Variants in ZNF420 observed in about 807,000 individuals in gnomAD.
ZNF420 encodes the protein ATM and p53-associated KZNF protein.
A neutral mutation model predicts 44.7 loss-of-function variants in ZNF420; 31 were observed. The observed-to-expected ratio is 0.69, with a 90% CI of 0.52 to 0.94. ZNF420 has a LOEUF of 0.94. Among genes scored for constraint, ZNF420 ranks in the 40% least tolerant of loss-of-function variants. The pLI is 0.00. For synonymous variants in ZNF420, 245 were observed against 267.4 expected, an observed-to-expected ratio of 0.92 and a Z score of 0.82; for missense variants, 681 against 827.9, an observed-to-expected ratio of 0.82 and a Z score of 2.18.
At chr19:37,111,880 A>G (rs535574806) in intron 4 of ZNF420, among the ~76,000 whole-genome samples, 24 of 152,222 alleles carry the variant, frequency 1.6e-4, no homozygotes, top group Admixed American at 1.2e-3. Flanking sequence ...GGAGAGGGCA[A>G]CCCTGGTTGG....
chr19:37,091,155 C>T lies in ZNF420; in HGVS notation c.136+34C>T, dbSNP rs193272576. ...TCTAGCCTTCATATTTCAGGATCTA[C>T]CTTTGGATTGGCTGCTTTCTCTGCT... On this transcript the variant is annotated intron_variant, in intron 4 of 4. Transcript: ENST00000337995. 15 of 1,494,856 alleles carry T rather than the reference C, an allele frequency of 1.0e-5. No homozygotes were observed. The Admixed American group carries it at 3.4e-4, about 34-fold the overall frequency. 92.6% of individuals were successfully genotyped at this position (1,494,856 alleles called of 1,614,324 possible).
At position 37,040,019 on chromosome 19, in the gene ZNF420, C is replaced by T. The variant is rs555129897; in HGVS notation, c.-125+31937C>T. On this transcript the variant is annotated intron_variant, in intron 1 of 4. Coordinates refer to the ZNF420 transcript ENST00000587029. ...TGCTGGGATTACAGGCATGAGCCACCGTGGCTGGCCCCTTTGAAGCTCTGA... is the reference window on the plus strand; with the variant it reads ...TGCTGGGATTACAGGCATGAGCCACTGTGGCTGGCCCCTTTGAAGCTCTGA... 5.3e-5 allele frequency among the ~76,000 whole-genome samples: 8 copies of T among 152,262 alleles called. No homozygotes were observed. The South Asian group carries it at 1.0e-3, about 20-fold the overall frequency.
rs1244141579 is a variant in ZNF420, at chr19:37,130,053, A to G, written c.*995A>G. 1 of 1,544,800 alleles carries G rather than the reference A, an allele frequency of 6.5e-7. No homozygotes were observed. Among genetic ancestry groups the G allele is most frequent in the East Asian group, 2.5e-5 (1 of 40,768 alleles). On this transcript the variant is annotated 3_prime_UTR_variant, in exon 5 of 5. Transcript: ENST00000337995. ...AAATCTCAGCCTTCCTTGCAGGTCA[A>G]CAAGATAGAAGTGATATTTATATGA...
chr19:37,082,435 G>A (rs546724016), intron 2 of ZNF420, among the ~76,000 whole-genome samples: 1 of 152,270 alleles, frequency 6.6e-6, no homozygotes, highest in South Asian at 2.1e-4. Context: ...AAATTTCTGG[G>A]ATTACAGGTG....
chr19:37,058,980 A>T (rs1458741648), intron 1 of ZNF420, among the ~76,000 whole-genome samples: 1 of 152,172 alleles, frequency 6.6e-6, no homozygotes, highest in Non-Finnish European at 1.5e-5. Context: ...AGCTGATACC[A>T]CGCCTTGAGG....
intron 4 of ZNF420, among the ~76,000 whole-genome samples, chr19:37,098,345 C>G (rs1969578025): frequency 6.6e-6 from 1 of 152,120 alleles, no homozygotes; most frequent in Admixed American, 6.6e-5. Context: ...GGTACTATGA[C>G]CAGCAGATAC....
At chr19:37,062,673 ATTG>A (rs1171898278) in intron 1 of ZNF420, among the ~76,000 whole-genome samples, 1 of 152,166 alleles carries the variant, frequency 6.6e-6, no homozygotes, top group African/African-American at 2.4e-5. Flanking sequence ...TGTTGAGATT[ATTG>A]TTATCTACTT....
In ZNF420 at chr19:37,086,539, C is replaced by T. The variant is rs571761178; in HGVS notation, c.-80-2500C>T. On this transcript the variant is annotated intron_variant, in intron 2 of 4. Transcript: ENST00000337995. ...GTATGTAAATCCTCTATATTGTTAT[C>T]GATTTTATTGTCTACTTGTTCTGTC... Among the ~76,000 whole-genome samples, 17 of 152,220 alleles carry T rather than the reference C, an allele frequency of 1.1e-4. No homozygotes were observed. The South Asian group carries it at 3.3e-3, about 30-fold the overall frequency.
At chr19:37,091,523 A>G (rs1568450345) in intron 4 of ZNF420, 1 of 156,400 alleles carries the variant, frequency 6.4e-6, no homozygotes, top group African/African-American at 2.4e-5. Flanking sequence ...CATCATTTGT[A>G]TAGTGATAGA....
chr19:37,017,039 A>G (rs2074613759), intron 1 of ZNF420, among the ~76,000 whole-genome samples: 1 of 152,218 alleles, frequency 6.6e-6, no homozygotes, highest in South Asian at 2.1e-4. Context: ...GGATATGAGC[A>G]GGTGACCACA....
At chr19:37,084,608 T>C (rs184475894) in intron 2 of ZNF420, among the ~76,000 whole-genome samples, 3 of 152,304 alleles carry the variant, frequency 2.0e-5, no homozygotes, top group African/African-American at 4.8e-5. Flanking sequence ...AACAGTATTA[T>C]ATCTGCCTTA....
chr19:37,045,048 A>G (rs1398326441), intron 1 of ZNF420, among the ~76,000 whole-genome samples: 1 of 152,190 alleles, frequency 6.6e-6, no homozygotes, highest in East Asian at 1.9e-4. Flanking sequence ...GACTGCTACT[A>G]TGCATTATAA....
intron 2 of ZNF420, among the ~76,000 whole-genome samples, chr19:37,082,774 C>G (rs1026908507): frequency 6.6e-6 from 1 of 152,158 alleles, no homozygotes; most frequent in African/African-American, 2.4e-5. Flanking sequence ...AATAACACTT[C>G]TCGTATGGTT....
intron 4 of ZNF420, among the ~76,000 whole-genome samples, chr19:37,119,115 C>A (rs1401970470): frequency 6.6e-6 from 1 of 152,050 alleles, no homozygotes; most frequent in Non-Finnish European, 1.5e-5. Context: ...CTGCACCAAG[C>A]GGACCTAATA....
intron 4 of ZNF420, among the ~76,000 whole-genome samples, chr19:37,126,848 A>G (rs1971370921): frequency 6.6e-6 from 1 of 152,110 alleles, no homozygotes; most frequent in Non-Finnish European, 1.5e-5. Context: ...GTACCATGAA[A>G]TCAGTGTAGT....
At chr19:37,044,470 G>C (rs1176425863) in intron 1 of ZNF420, among the ~76,000 whole-genome samples, 1 of 152,218 alleles carries the variant, frequency 6.6e-6, no homozygotes, top group Non-Finnish European at 1.5e-5. Flanking sequence ...ATGAGACTCT[G>C]CTCTGGGATT....
chr19:37,022,577 A>G (rs998063695), intron 1 of ZNF420, among the ~76,000 whole-genome samples: 9 of 152,202 alleles, frequency 5.9e-5, no homozygotes, highest in Non-Finnish European at 1.2e-4. Flanking sequence ...TATCTCATCA[A>G]AATCCACTAA....
At chr19:37,030,657 G>A (rs1967240783) in intron 1 of ZNF420, among the ~76,000 whole-genome samples, 1 of 152,082 alleles carries the variant, frequency 6.6e-6, no homozygotes. Flanking sequence ...GTATGCAGGT[G>A]CCATACACAC....
chr19:37,113,247 G>A (rs1019597295), intron 4 of ZNF420, among the ~76,000 whole-genome samples: 1 of 151,986 alleles, frequency 6.6e-6, no homozygotes, highest in African/African-American at 2.4e-5. Context: ...TCTTGTAGTA[G>A]TTTGAATAGT....
Sources: gnomAD v4.1 joint callset for allele counts (sites outside exome capture counted in the v4.1 genomes callset) on GRCh38, gnomAD v4.1.1 for gene constraint, MANE v1.5 for transcripts, NCBI Gene and HGNC (gene_info 2026-07-23, HGNC 2026-07-21) for gene names.